The following FAM184A variants were observed in gnomAD, a reference collection of about 807,000 sequenced individuals.
The protein encoded by FAM184A is family with sequence similarity 184 member A.
FAM184A carries 99 observed loss-of-function variants against 143.8 expected under a neutral mutation model. That is an observed-to-expected ratio of 0.69 (90% CI 0.58 to 0.81). The LOEUF is 0.81. Among genes scored for constraint, FAM184A ranks in the 40% least tolerant of loss-of-function variants. The pLI is 0.00. For missense variants in FAM184A, 1,217 were observed against 1,310.5 expected (o/e 0.93, Z 1.10); for synonymous variants, 427 against 446.4 (o/e 0.96, Z 0.55).
intron 15 of FAM184A, 22 bp downstream of exon 15, chr6:118,966,813 G>T: frequency 7.8e-7 from 1 of 1,275,782 alleles, no homozygotes; most frequent in Non-Finnish European, 1.1e-6. Context: ...AACATGGTTA[G>T]ACTAAAACCA....
At chr6:119,028,490 C>CA (rs1403334768) in intron 1 of FAM184A, among the ~76,000 whole-genome samples, 2 of 152,072 alleles carry the variant, frequency 1.3e-5, no homozygotes, top group Non-Finnish European at 2.9e-5. Flanking sequence ...AGTTGATCAC[C>CA]AACAACCAAT....
chr6:119,118,393 T>C (rs1388973563), intron 1 of FAM184A, among the ~76,000 whole-genome samples: 1 of 152,228 alleles, frequency 6.6e-6, no homozygotes, highest in East Asian at 1.9e-4. Flanking sequence ...TAGTTACCTT[T>C]ATTATTGTGG....
intron 1 of FAM184A, among the ~76,000 whole-genome samples, chr6:119,084,868 T>C (rs1439730982): frequency 6.6e-6 from 1 of 152,206 alleles, no homozygotes; most frequent in Non-Finnish European, 1.5e-5. Flanking sequence ...GCTTGCACCC[T>C]CTGAAGCAAC....
At chr6:119,123,901 T>C (rs2114865653) in intron 1 of FAM184A, among the ~76,000 whole-genome samples, 1 of 152,368 alleles carries the variant, frequency 6.6e-6, no homozygotes, top group South Asian at 2.1e-4. Context: ...AGCCATTTGC[T>C]GATTGTGCCA....
intron 9 of FAM184A, among the ~76,000 whole-genome samples, chr6:118,991,231 C>T (rs1278218154): frequency 6.6e-6 from 1 of 150,952 alleles, no homozygotes; most frequent in African/African-American, 2.4e-5. Context: ...GGCACGATCT[C>T]GGCGCACTGC....
At chr6:119,123,762 T>C (rs932886263) in intron 1 of FAM184A, among the ~76,000 whole-genome samples, 1 of 152,234 alleles carries the variant, frequency 6.6e-6, no homozygotes, top group African/African-American at 2.4e-5. Flanking sequence ...TTGCTGTTTA[T>C]GCTATTTGCA....
chr6:119,047,952 C>T (rs964109868), intron 1 of FAM184A, among the ~76,000 whole-genome samples: 1 of 152,166 alleles, frequency 6.6e-6, no homozygotes, highest in African/African-American at 2.4e-5. Flanking sequence ...GGCCAATATC[C>T]TTGATGAACA....
intron 5 of FAM184A, among the ~76,000 whole-genome samples, chr6:119,015,453 G>C (rs1392320955): frequency 6.6e-6 from 1 of 152,192 alleles, no homozygotes; most frequent in Non-Finnish European, 1.5e-5. Flanking sequence ...CGGGCAGTGA[G>C]GGGCTTAGCA....
Position 118,979,434 on chromosome 6 carries a change from G to A in FAM184A, c.2386C>T (p.Arg796Trp), listed in dbSNP as rs537204974. Residue 796 changes from arginine (R) to tryptophan (W), a missense_variant, in exon 11 of 18, where the codon CGG becomes TGG. Coordinates refer to ENST00000338891, the MANE Select transcript of FAM184A (RefSeq NM_024581.6). ...DAHRESMEGF[R>W]IEMEQELQTL... is the part of the protein sequence containing the mutation. The stretch of plus-strand genomic sequence containing the variant: ...TGAAGTTCCTGTTCCATTTCTATCC[G>A]GAAGCCCTCCATTGACTCTCTGTGT... The A allele has an allele frequency of 1.3e-5, 21 of 1,613,660 alleles. No individual in the cohort carries two copies. The highest frequency in any genetic ancestry group is 4.5e-5 in the East Asian group (2 of 44,852).
chr6:118,969,403 T>A (rs949646572), intron 14 of FAM184A, among the ~76,000 whole-genome samples: 11 of 152,158 alleles, frequency 7.2e-5, no homozygotes, highest in African/African-American at 2.7e-4. Context: ...ACATAATCCA[T>A]ATAAACACAA....
intron 6 of FAM184A, among the ~76,000 whole-genome samples, chr6:119,008,441 T>C (rs1352605173): frequency 6.6e-6 from 1 of 152,190 alleles, no homozygotes; most frequent in South Asian, 2.1e-4. Context: ...GAATATGTGA[T>C]TGAAGCATGA....
intron 1 of FAM184A, among the ~76,000 whole-genome samples, chr6:119,086,120 T>A (rs115127882): frequency 6.1e-4 from 93 of 152,214 alleles, no homozygotes; most frequent in African/African-American, 2.2e-3. Context: ...ACCTCACTTT[T>A]AAAAAAATCT....
At chr6:119,070,475 T>G (rs1405365275) in intron 1 of FAM184A, among the ~76,000 whole-genome samples, 3 of 152,160 alleles carry the variant, frequency 2.0e-5, no homozygotes, top group Non-Finnish European at 4.4e-5. Flanking sequence ...TTCCAATATT[T>G]TGAAGGACCA....
chr6:119,061,594 T>C (rs1010124056), intron 1 of FAM184A, among the ~76,000 whole-genome samples: 2 of 131,120 alleles, frequency 1.5e-5, no homozygotes, highest in African/African-American at 3.0e-5. Flanking sequence ...CCCAGACTGG[T>C]GTTGAACTCC....
chr6:119,089,369 AT>A (rs958557773), intron 1 of FAM184A, among the ~76,000 whole-genome samples: 5 of 150,310 alleles, frequency 3.3e-5, no homozygotes, highest in East Asian at 1.9e-4. Flanking sequence ...ACACCTGGCT[AT>A]TTTTTTTTGT....
chr6:119,136,328 C>T (rs1287907092), intron 1 of FAM184A, among the ~76,000 whole-genome samples: 1 of 150,098 alleles, frequency 6.7e-6, no homozygotes, highest in Non-Finnish European at 1.5e-5. Context: ...AGAAGTATAC[C>T]ACATTTTTTT....
intron 1 of FAM184A, among the ~76,000 whole-genome samples, chr6:119,069,554 T>G (rs1206130423): frequency 6.6e-6 from 1 of 152,182 alleles, no homozygotes; most frequent in Non-Finnish European, 1.5e-5. Context: ...ATGCGACACT[T>G]CATTTTATAA....
chr6:119,003,364 TTC>T (rs1402824613), intron 8 of FAM184A, 135 bp downstream of exon 8: 11 of 881,942 alleles, frequency 1.2e-5, no homozygotes, highest in South Asian at 2.7e-5. Context: ...TAAATCCAAT[TTC>T]TCTGTCTCTA....
chr6:119,020,409 C>T (rs1289243684), intron 3 of FAM184A, among the ~76,000 whole-genome samples: 9 of 151,810 alleles, frequency 5.9e-5, no homozygotes, highest in Admixed American at 2.0e-4. Flanking sequence ...CACCTCGTAC[C>T]GTTTTACTGG....
Sources: allele counts gnomAD v4.1 joint callset (sites outside exome capture counted in the v4.1 genomes callset), GRCh38; gene constraint gnomAD v4.1.1; transcripts MANE v1.5; gene names NCBI Gene and HGNC (gene_info 2026-07-23, HGNC 2026-07-21).